Variants in SMIM7 observed in about 807,000 individuals in gnomAD.
The protein encoded by SMIM7 is small integral membrane protein 7, also known as UPF0608 protein C19orf42.
A neutral mutation model predicts 13.3 loss-of-function variants in SMIM7; 12 were observed. That is an observed-to-expected ratio of 0.90 (90% CI 0.58 to 1.46). The LOEUF is 1.46. SMIM7 is among the 40% of genes most tolerant of loss of function. SMIM7 has a pLI of 0.00. For synonymous variants in SMIM7, 36 were observed against 35.8 expected (o/e 1.01, Z -0.02); for missense variants, 114 against 94.8 (o/e 1.20, Z -0.84).
At chr19:16,639,589 G>A (rs1856012598) in intron 4 of SMIM7, among the ~76,000 whole-genome samples, 2 of 152,240 alleles carry the variant, frequency 1.3e-5, no homozygotes, top group South Asian at 2.1e-4. Flanking sequence ...ACAAACTAAT[G>A]AGCACAACAG....
In SMIM7 at chr19:16,647,191, A is replaced by C. The variant is rs2086459699; in HGVS notation, c.*55T>G. The C allele has an allele frequency of 6.2e-7, 1 of 1,611,016 alleles. No individual in the cohort carries two copies. Among genetic ancestry groups the C allele is most frequent in the Non-Finnish European group, 8.5e-7 (1 of 1,177,558 alleles). ...ACATTCTTGAAGTCATCAGGAATGG[A>C]GGAATGGAGACTCGGCATCCCGGGA... On this transcript the variant is annotated 3_prime_UTR_variant, in exon 5 of 5. Transcript: ENST00000487416.
intron 4 of SMIM7, chr19:16,631,825 A>C (rs1179375226): frequency 3.3e-5 from 5 of 151,984 alleles, no homozygotes; most frequent in Admixed American, 1.3e-4. Flanking sequence ...TGACAAAAAC[A>C]ACCACCCTCC....
rs994790865 is a variant in SMIM7, at chr19:16,639,378, T to C, written c.*138-7654A>G. ...ACCTCATGATCTGCCCGCCTCCGCC[T>C]CCCAAAGTGCTGGGATTACAGGCGT... On this transcript the variant is annotated intron_variant and NMD_transcript_variant, in intron 4 of 4. Coordinates refer to the SMIM7 transcript ENST00000465250. Among the ~76,000 whole-genome samples, 3 of 152,104 alleles carry C rather than the reference T, an allele frequency of 2.0e-5. No homozygotes were observed. The South Asian group carries it at 6.2e-4, about 32-fold the overall frequency.
chr19:16,637,903 G>C (rs2086371902), intron 4 of SMIM7, among the ~76,000 whole-genome samples: 1 of 152,170 alleles, frequency 6.6e-6, no homozygotes, highest in South Asian at 2.1e-4. Flanking sequence ...ACTGTATTTG[G>C]AGACAGGGCC....
chr19:16,655,679 T>TAAAAAAA (rs2086588048), intron 3 of SMIM7, among the ~76,000 whole-genome samples: 1 of 41,662 alleles, frequency 2.4e-5, no homozygotes, highest in African/African-American at 2.5e-4. Flanking sequence ...AGACTCCATC[T>TAAAAAAA]CAAAAAAAAA....
intron 4 of SMIM7, among the ~76,000 whole-genome samples, chr19:16,636,711 G>C (rs2086363652): frequency 6.6e-6 from 1 of 152,238 alleles, no homozygotes; most frequent in Non-Finnish European, 1.5e-5. Context: ...TGGCACTTTG[G>C]GAGGCTGAGG....
At chr19:16,652,934 A>C in intron 4 of SMIM7, 4 of 1,550,604 alleles carry the variant, frequency 2.6e-6, no homozygotes, top group Non-Finnish European at 3.5e-6. Flanking sequence ...TGCTAGATGG[A>C]AAGGCAATCT....
At chr19:16,643,313 G>T (rs538958519), downstream of SMIM7, among the ~76,000 whole-genome samples, 2 of 152,148 alleles carry the variant, frequency 1.3e-5, no homozygotes, top group Non-Finnish European at 2.9e-5. Context: ...GATGGTCTCC[G>T]GAGAATGTGA....
chr19:16,645,146 T>A (rs1490763786), downstream of SMIM7: 1 of 152,196 alleles, frequency 6.6e-6, no homozygotes, highest in Non-Finnish European at 1.5e-5. Flanking sequence ...ATTCCATTTT[T>A]AAAATGTACA....
chr19:16,645,299 A>C (rs1166102338), downstream of SMIM7: 1 of 152,208 alleles, frequency 6.6e-6, no homozygotes, highest in East Asian at 1.9e-4. Context: ...CCCATAATGG[A>C]CAAATGCCTC....
intron 2 of SMIM7, 37 bp from the exon 3 acceptor site, chr19:16,659,484 G>T (rs752007341): frequency 1.3e-6 from 2 of 1,599,094 alleles, no homozygotes; most frequent in Non-Finnish European, 1.7e-6. Flanking sequence ...CTTTCAATGG[G>T]ACATAGAGTC....
In SMIM7 at chr19:16,654,086, A is replaced by C. The variant is rs1017294206; in HGVS notation, c.161T>G (p.Phe54Cys). The C allele has an allele frequency of 1.9e-6, 3 of 1,613,964 alleles. No individual in the cohort carries two copies. In the African/African-American group the frequency reaches 4.0e-5, roughly 22 times the overall value. Residue 54 changes from phenylalanine (F) to cysteine (C), a missense_variant, in exon 4 of 5, where the codon TTT becomes TGT. Transcript: ENST00000487416. Reference protein sequence around the residue: ...IREFLLSLRYFRIFIALWNIF... With the variant: ...IREFLLSLRYCRIFIALWNIF... Reference sequence around the variant, plus strand: ...GTTCCACAGGGCGATGAAGATTCGAAAGTATCTGAGGCTCAGCAAGAATTC... The same window carrying C: ...GTTCCACAGGGCGATGAAGATTCGACAGTATCTGAGGCTCAGCAAGAATTC...
At chr19:16,649,199 C>G (rs1327714379) in intron 4 of SMIM7, among the ~76,000 whole-genome samples, 1 of 151,712 alleles carries the variant, frequency 6.6e-6, no homozygotes, top group South Asian at 2.1e-4. Flanking sequence ...AAACACAGGT[C>G]GGCTTTAATC....
downstream of SMIM7, chr19:16,645,035 C>G (rs1407387193): frequency 6.6e-6 from 1 of 152,186 alleles, no homozygotes; most frequent in African/African-American, 2.4e-5. Flanking sequence ...AACATTAGTG[C>G]TTAAACACTG....
intron 3 of SMIM7, among the ~76,000 whole-genome samples, chr19:16,654,389 G>A (rs1599374522): frequency 6.6e-6 from 1 of 152,130 alleles, no homozygotes; most frequent in Admixed American, 6.6e-5. Context: ...TCCAATGAGA[G>A]TCCACCCTGG....
intron 3 of SMIM7, among the ~76,000 whole-genome samples, chr19:16,656,998 T>C (rs2086604801): frequency 6.6e-6 from 1 of 152,064 alleles, no homozygotes; most frequent in Admixed American, 6.5e-5. Context: ...AAATGTGAGC[T>C]CAAATCCTGC....
intron 4 of SMIM7, among the ~76,000 whole-genome samples, chr19:16,637,800 C>G (rs2086370244): frequency 4.6e-5 from 7 of 152,244 alleles, no homozygotes; most frequent in Admixed American, 4.6e-4. Flanking sequence ...CTGTTGAACA[C>G]TATGGGTCAG....
intron 4 of SMIM7, among the ~76,000 whole-genome samples, chr19:16,650,380 C>T (rs1356666363): frequency 2.0e-5 from 3 of 152,208 alleles, no homozygotes; most frequent in African/African-American, 7.2e-5. Context: ...CTTTTCATAA[C>T]TTCTTAAACT....
exon 5 of SMIM7, chr19:16,630,868 G>A (rs1321247822): frequency 2.6e-5 from 4 of 152,178 alleles, no homozygotes; most frequent in African/African-American, 9.7e-5. Flanking sequence ...TTAGGTCCAG[G>A]GTAGATACTG....
Sources: gnomAD v4.1 joint callset for allele counts (sites outside exome capture counted in the v4.1 genomes callset) on GRCh38, gnomAD v4.1.1 for gene constraint, MANE v1.5 for transcripts, NCBI Gene and HGNC (gene_info 2026-07-23, HGNC 2026-07-21) for gene names.